Variants in ZFP1 observed in about 807,000 individuals in gnomAD.
ZFP1 encodes the protein zinc finger protein 1 homolog.
In ZFP1, 32 loss-of-function variants were observed where a neutral mutation model predicts 38.5. The observed-to-expected ratio is 0.83, with a 90% CI of 0.63 to 1.12. The LOEUF (loss-of-function observed/expected upper bound fraction) is 1.12, where lower values mean the gene tolerates loss of function less well. ZFP1 is among the 50% of genes most tolerant of loss of function. ZFP1 has a pLI of 0.00. For missense variants in ZFP1, 616 were observed against 480.8 expected, an observed-to-expected ratio of 1.28 and a Z score of -2.63; for synonymous variants, 245 against 168.8, an observed-to-expected ratio of 1.45 and a Z score of -3.50.
upstream of ZFP1, chr16:75,148,459 GA>G (rs1217370878): frequency 2.6e-5 from 4 of 152,264 alleles, no homozygotes; most frequent in Non-Finnish European, 5.9e-5. Flanking sequence ...CCCCTCCGAG[GA>G]CCCTGGGAAC....
chr16:75,139,374 A>G, the ZFP1 span, among the ~76,000 whole-genome samples: 1 of 139,226 alleles, frequency 7.2e-6, no homozygotes, highest in Non-Finnish European at 1.5e-5. Flanking sequence ...ATCTCAAAAA[A>G]AAAAAAAAAA....
At chr16:75,147,727 C>T (rs1440798125), upstream of ZFP1, among the ~76,000 whole-genome samples, 2 of 152,074 alleles carry the variant, frequency 1.3e-5, no homozygotes, top group Non-Finnish European at 2.9e-5. Flanking sequence ...TCAAATTTTG[C>T]TGTGAACCTA....
At chr16:75,164,253 C>G (rs1567535696) in intron 2 of ZFP1, among the ~76,000 whole-genome samples, 1 of 151,540 alleles carries the variant, frequency 6.6e-6, no homozygotes, top group African/African-American at 2.4e-5. Context: ...AGTCTTTTAA[C>G]AGACATTTAT....
At chr16:75,162,222 A>G (rs917535280) in intron 2 of ZFP1, among the ~76,000 whole-genome samples, 3 of 152,004 alleles carry the variant, frequency 2.0e-5, no homozygotes, top group Admixed American at 2.0e-4. Context: ...TCCTTGGCTC[A>G]AGCAATCCTC....
chr16:75,135,051 T>C, the ZFP1 span, among the ~76,000 whole-genome samples: 1 of 138,928 alleles, frequency 7.2e-6, no homozygotes, highest in Non-Finnish European at 1.5e-5. Context: ...TGAAACTCCA[T>C]CTCAAAAAAA....
the ZFP1 span, among the ~76,000 whole-genome samples, chr16:75,133,207 C>T: frequency 1.3e-5 from 2 of 152,144 alleles, no homozygotes; most frequent in African/African-American, 4.8e-5. Context: ...GAACTCCTGA[C>T]CTCCGGTGAT....
upstream of ZFP1, among the ~76,000 whole-genome samples, chr16:75,146,294 C>G (rs879836224): frequency 1.3e-4 from 20 of 152,032 alleles, no homozygotes; most frequent in Admixed American, 3.3e-4. Flanking sequence ...TCCCAAGTAG[C>G]CGAGGCTACA....
rs1362550243 is a variant in ZFP1 at position 75,169,999 on chromosome 16, G to C, written c.889G>C (p.Glu297Gln). The C allele has an allele frequency of 6.2e-7, 1 of 1,614,090 alleles. No individual in the cohort carries two copies. The highest frequency in any genetic ancestry group is 8.5e-7 in the Non-Finnish European group (1 of 1,180,048). ...AATTCATACAGGAGAGCGACCCTATGAGTGTAACGAATGTGCAAAAACCTT... is the reference window on the plus strand; with the variant it reads ...AATTCATACAGGAGAGCGACCCTATCAGTGTAACGAATGTGCAAAAACCTT... The part of the protein sequence containing the change: ...QRIHTGERPY[E>Q]CNECAKTFFK... Residue 297 changes from glutamate (E) to glutamine (Q), a missense_variant, in exon 4 of 4, where the codon GAG (glutamate) becomes CAG (glutamine). Coordinates refer to ENST00000570010, the MANE Select transcript of ZFP1 (RefSeq NM_153688.4).
chr16:75,164,159 T>C (rs2037934450), intron 2 of ZFP1, among the ~76,000 whole-genome samples: 1 of 152,250 alleles, frequency 6.6e-6, no homozygotes, highest in South Asian at 2.1e-4. Flanking sequence ...GTTTATATTT[T>C]AGCTGGATCA....
chr16:75,138,024 C>CTT, the ZFP1 span, among the ~76,000 whole-genome samples: 278 of 64,976 alleles, frequency 4.3e-3, 48 homozygotes, highest in African/African-American at 0.019. Context: ...CTCCCACTTC[C>CTT]TTTTTTTTTT....
the ZFP1 span, among the ~76,000 whole-genome samples, chr16:75,124,344 G>C: frequency 1.3e-5 from 2 of 150,646 alleles, no homozygotes; most frequent in Non-Finnish European, 3.0e-5. Flanking sequence ...TTTTTTAGTA[G>C]AGACAGGGTT....
chr16:75,123,366 G>GTATATATATA, the ZFP1 span, among the ~76,000 whole-genome samples: 2 of 138,172 alleles, frequency 1.4e-5, no homozygotes, highest in African/African-American at 5.4e-5. Flanking sequence ...ATATATATGT[G>GTATATATATA]TATATATATA....
chr16:75,141,079 C>G, the ZFP1 span, among the ~76,000 whole-genome samples: 1 of 151,762 alleles, frequency 6.6e-6, no homozygotes, highest in African/African-American at 2.4e-5. Flanking sequence ...AAAAATTGTT[C>G]TTAAACATTG....
At chr16:75,135,026 C>A in the ZFP1 span, among the ~76,000 whole-genome samples, 4 of 151,238 alleles carry the variant, frequency 2.6e-5, no homozygotes, top group Non-Finnish European at 2.9e-5. Context: ...TGCACTTCAG[C>A]CTGGGCAACA....
intron 2 of ZFP1, among the ~76,000 whole-genome samples, chr16:75,159,980 A>T (rs1159495549): frequency 6.6e-6 from 1 of 152,134 alleles, no homozygotes; most frequent in Non-Finnish European, 1.5e-5. Context: ...TTCTGGATTC[A>T]GACTGTCCCA....
chr16:75,165,091 C>T (rs2037993642), intron 2 of ZFP1, among the ~76,000 whole-genome samples: 1 of 152,102 alleles, frequency 6.6e-6, no homozygotes, highest in Non-Finnish European at 1.5e-5. Flanking sequence ...AGGCATGAAC[C>T]ATCGCGCCCG....
At chr16:75,149,920 G>C (rs971317284) in intron 1 of ZFP1, among the ~76,000 whole-genome samples, 1 of 151,404 alleles carries the variant, frequency 6.6e-6, no homozygotes, top group African/African-American at 2.4e-5. Context: ...TCCTGGCTGG[G>C]ATTACAGGCA....
chr16:75,150,151 A>G (rs1187482522), intron 1 of ZFP1, among the ~76,000 whole-genome samples: 3 of 146,384 alleles, frequency 2.0e-5, no homozygotes, highest in African/African-American at 7.6e-5. Context: ...TTCATTTTTT[A>G]CCCTTATTTA....
intron 3 of ZFP1, among the ~76,000 whole-genome samples, chr16:75,168,990 G>T (rs1221758800): frequency 1.3e-5 from 2 of 151,880 alleles, no homozygotes; most frequent in East Asian, 3.9e-4. Flanking sequence ...CACCCTCTCT[G>T]CCCACTTTAA....
Sources: allele counts gnomAD v4.1 joint callset (sites outside exome capture counted in the v4.1 genomes callset), GRCh38; gene constraint gnomAD v4.1.1; transcripts MANE v1.5; gene names NCBI Gene and HGNC (gene_info 2026-07-23, HGNC 2026-07-21).